BNC2: variants seen among roughly 807,000 people sequenced by gnomAD.
The protein encoded by BNC2 is zinc finger protein basonuclin-2.
In BNC2, 20 loss-of-function variants were observed where a neutral mutation model predicts 76.3. That is an observed-to-expected ratio of 0.26 (90% confidence interval 0.18 to 0.38). BNC2 has a LOEUF of 0.38. Ranked by LOEUF, BNC2 falls within the 10% of genes least tolerant of loss-of-function variation. The probability of loss-of-function intolerance (pLI) is 1.00; values close to 1 mark genes in which losing one functional copy is unlikely to be tolerated. For missense variants in BNC2, 1,382 were observed against 1,399.8 expected (o/e 0.99, Z 0.20); for synonymous variants, 582 against 514.8 (o/e 1.13, Z -1.77).
At chr9:16,434,762 T>A in intron 6 of BNC2, 1 of 449,734 alleles carries the variant, frequency 2.2e-6, no homozygotes. Flanking sequence ...AAGAGTGTGA[T>A]GTCATCTGAA....
intron 3 of BNC2, among the ~76,000 whole-genome samples, chr9:16,616,921 T>C (rs1820722306): frequency 6.6e-6 from 1 of 152,178 alleles, no homozygotes; most frequent in African/African-American, 2.4e-5. Context: ...TGAACCATTC[T>C]GTCCTAGTTG....
intron 3 of BNC2, among the ~76,000 whole-genome samples, chr9:16,668,884 T>C (rs889486319): frequency 2.6e-5 from 4 of 152,106 alleles, no homozygotes; most frequent in Non-Finnish European, 5.9e-5. Context: ...TCTCCCAGGG[T>C]GAGCAAATAA....
intron 3 of BNC2, among the ~76,000 whole-genome samples, chr9:16,643,030 C>T (rs914141072): frequency 8.5e-5 from 13 of 152,144 alleles, no homozygotes; most frequent in African/African-American, 2.7e-4. Context: ...GCCAGGCCAA[C>T]AGTAAGTGCT....
chr9:16,862,522 C>T (rs1234612952), intron 1 of BNC2, among the ~76,000 whole-genome samples: 6 of 152,146 alleles, frequency 3.9e-5, no homozygotes, highest in African/African-American at 1.2e-4. Flanking sequence ...CCCGTCCCAG[C>T]GCTGTTCTGA....
At chr9:16,450,013 T>TC (rs1301848525) in intron 5 of BNC2, among the ~76,000 whole-genome samples, 11 of 152,344 alleles carry the variant, frequency 7.2e-5, no homozygotes, top group African/African-American at 2.6e-4. Flanking sequence ...TCATTTTTTT[T>TC]CAGTGACTTA....
chr9:16,678,882 T>C (rs958810136), intron 3 of BNC2, among the ~76,000 whole-genome samples: 5 of 152,156 alleles, frequency 3.3e-5, no homozygotes, highest in Non-Finnish European at 7.3e-5. Context: ...AAAATTACAA[T>C]CGAAATCAGT....
At chr9:16,832,497 T>G (rs947039332) in intron 1 of BNC2, 1 of 159,888 alleles carries the variant, frequency 6.3e-6, no homozygotes, top group African/African-American at 2.4e-5. Flanking sequence ...TCTGAAGACC[T>G]CCACCCCACT....
At chr9:16,516,530 AC>A (rs1389533397) in intron 5 of BNC2, among the ~76,000 whole-genome samples, 1 of 151,612 alleles carries the variant, frequency 6.6e-6, no homozygotes, top group Non-Finnish European at 1.5e-5. Flanking sequence ...GTACCCAGAA[AC>A]CCCCCCAATA....
At chr9:16,810,986 A>C (rs1383590237) in intron 1 of BNC2, among the ~76,000 whole-genome samples, 3 of 152,144 alleles carry the variant, frequency 2.0e-5, no homozygotes, top group Non-Finnish European at 4.4e-5. Flanking sequence ...TGGGAGGCTG[A>C]GGCGGGCAGA....
intron 1 of BNC2, among the ~76,000 whole-genome samples, chr9:16,774,224 G>A (rs543533796): frequency 5.7e-4 from 87 of 152,122 alleles, no homozygotes; most frequent in Non-Finnish European, 1.1e-3. Context: ...TCGAGTGATC[G>A]GCCCCACCTC....
At chr9:16,653,975 C>T (rs913914245) in intron 3 of BNC2, among the ~76,000 whole-genome samples, 14 of 151,968 alleles carry the variant, frequency 9.2e-5, no homozygotes, top group African/African-American at 3.1e-4. Flanking sequence ...ATGTCTAATA[C>T]TTTACTCAGG....
At chr9:16,455,469 G>A (rs1320699802) in intron 5 of BNC2, among the ~76,000 whole-genome samples, 1 of 152,166 alleles carries the variant, frequency 6.6e-6, no homozygotes, top group Non-Finnish European at 1.5e-5. Flanking sequence ...ATAAAACAAT[G>A]TTAATGAATG....
chr9:16,432,993 T>C (rs1048221716), intron 6 of BNC2, among the ~76,000 whole-genome samples: 1 of 152,138 alleles, frequency 6.6e-6, no homozygotes, highest in Non-Finnish European at 1.5e-5. Flanking sequence ...CAGGTTGACA[T>C]TCATTGACAA....
rs1202211328 is a variant in BNC2, at chr9:16,583,005, A to G, written c.411T>C (p.Cys137=). ...GKINLRTCDQ[C]KHGWVAHALD... ...CACCATGTGCCACCCAGCCATGTTT[A>G]CACTGATCACAAGTCCTCAGGTTAA... Residue 137 remains cysteine, a synonymous_variant, in exon 4 of 7, where the codon TGT becomes TGC. Transcript: ENST00000380672. 3 of 1,613,906 alleles carry G rather than the reference A, an allele frequency of 1.9e-6. No individual in the cohort carries two copies. Among genetic ancestry groups the G allele is most frequent in the South Asian group, 1.1e-5 (1 of 91,084 alleles).
At chr9:16,834,503 C>T (rs911079964) in intron 1 of BNC2, among the ~76,000 whole-genome samples, 4 of 152,166 alleles carry the variant, frequency 2.6e-5, no homozygotes, top group South Asian at 2.1e-4. Flanking sequence ...AGCTGCCTGA[C>T]CATAGCTAAA....
intron 3 of BNC2, among the ~76,000 whole-genome samples, chr9:16,644,690 C>G (rs1821577012): frequency 6.6e-6 from 1 of 152,132 alleles, no homozygotes; most frequent in African/African-American, 2.4e-5. Context: ...CAGTGTCAGT[C>G]TAAGAGCATC....
At chr9:16,605,893 G>A (rs533437483) in intron 3 of BNC2, among the ~76,000 whole-genome samples, 7 of 149,834 alleles carry the variant, frequency 4.7e-5, no homozygotes, top group Admixed American at 1.3e-4. Context: ...AGGCTCAGGT[G>A]ATCCTCCCAC....
chr9:16,758,391 G>A (rs1825451204), intron 1 of BNC2, among the ~76,000 whole-genome samples: 1 of 151,828 alleles, frequency 6.6e-6, no homozygotes, highest in Non-Finnish European at 1.5e-5. Flanking sequence ...CCAGGCTGGA[G>A]TGCAGTGGTG....
At position 16,413,494 on chromosome 9, in the gene BNC2, CAT is replaced by C. The variant is rs1182915901; in HGVS notation, c.*5493_*5494del. On this transcript the variant is annotated 3_prime_UTR_variant, in exon 7 of 7. Coordinates refer to ENST00000380672, the MANE Select transcript of BNC2 (RefSeq NM_017637.6). Reference sequence around the variant, plus strand: ...GCCAAAAAGACAGTATGCCGAATAACATAGTTATTGCCGAATGAGCACAGAAA... The same window carrying C: ...GCCAAAAAGACAGTATGCCGAATAACAGTTATTGCCGAATGAGCACAGAAA... 5.9e-5 allele frequency: 9 copies of C among 151,740 alleles called. No homozygotes were observed. Among genetic ancestry groups the C allele is most frequent in the Non-Finnish European group, 1.3e-4 (9 of 68,000 alleles). The allele number at this position is 151,740 out of a possible 1,614,324, so 9.4% of individuals were successfully genotyped here.
Sources: gnomAD v4.1 joint callset for allele counts (sites outside exome capture counted in the v4.1 genomes callset) on GRCh38, gnomAD v4.1.1 for gene constraint, MANE v1.5 for transcripts, NCBI Gene and HGNC (gene_info 2026-07-23, HGNC 2026-07-21) for gene names.